The following BARX2 variants were observed in gnomAD, a reference collection of about 807,000 sequenced individuals.
The protein encoded by BARX2 is BARX homeobox 2.
In BARX2, 11 loss-of-function variants were observed where a neutral mutation model predicts 25.5. The observed-to-expected ratio is 0.43, with a 90% CI of 0.27 to 0.71. The LOEUF (loss-of-function observed/expected upper bound fraction) is 0.71, where lower values mean the gene tolerates loss of function less well. Ranked by LOEUF, BARX2 falls within the 30% of genes least tolerant of loss-of-function variation. The pLI is 0.19. For synonymous variants in BARX2, 137 were observed against 149.5 expected (o/e 0.92, Z 0.61); for missense variants, 360 against 359.9 (o/e 1.00, Z 0.00).
chr11:129,408,477 G>A (rs1220661941), intron 1 of BARX2, among the ~76,000 whole-genome samples: 3 of 152,130 alleles, frequency 2.0e-5, no homozygotes, highest in Non-Finnish European at 2.9e-5. Context: ...ACAGTGCGTC[G>A]GTTTTGTTCC....
intron 2 of BARX2, among the ~76,000 whole-genome samples, chr11:129,440,155 A>G (rs1197927154): frequency 1.3e-5 from 2 of 152,140 alleles, no homozygotes; most frequent in Non-Finnish European, 2.9e-5. Flanking sequence ...TTGTTTCTCC[A>G]GTTTCCTAGG....
chr11:129,397,373 C>T (rs73569125), intron 1 of BARX2, among the ~76,000 whole-genome samples: 2,675 of 152,050 alleles, frequency 0.018, 78 homozygotes, highest in African/African-American at 0.061. Context: ...TTCATGAGCT[C>T]ACTTGCCTCT....
intron 1 of BARX2, among the ~76,000 whole-genome samples, chr11:129,391,744 G>A (rs1006410231): frequency 1.3e-5 from 2 of 152,136 alleles, no homozygotes; most frequent in Admixed American, 1.3e-4. Context: ...TGCACGGAGA[G>A]GGGGGTCAAA....
At position 129,393,520 on chromosome 11, in the gene BARX2, CT is replaced by C. The variant is rs752633695; in HGVS notation, c.187+17311del. On this transcript the variant is annotated intron_variant, in intron 1 of 3. Transcript: ENST00000281437. ...CTATCCCTAGAATGATTAGGATATC[CT>C]TTTTTTTTTTTTCCTGGAGCAGTAA... is the stretch of plus-strand genomic sequence containing the variant. Among the ~76,000 whole-genome samples, 530 of 142,012 alleles carry C rather than the reference CT, an allele frequency of 3.7e-3. 1 individual carries two copies. The highest frequency in any genetic ancestry group is 7.2e-3 in the Middle Eastern group (2 of 278). The allele number at this position is 142,012 out of a possible 152,430, so 93.2% of individuals were successfully genotyped here. A position where few individuals can be genotyped will look rare whatever the true frequency, so the allele number is the denominator to read the frequency against.
chr11:129,451,383 A>G lies in BARX2; in HGVS notation c.821A>G (p.Glu274Gly), dbSNP rs1283027913. 6.2e-7 allele frequency: 1 copy of G among 1,613,470 alleles called. No homozygotes were observed. Among genetic ancestry groups the G allele is most frequent in the Middle Eastern group, 1.6e-4 (1 of 6,082 alleles). ...CAGGAGTTGCCAATACCCTCTTCGG[A>G]ACCCCCACCATTAAGCTAAAGTAAA... The part of the protein sequence containing the change: ...PPQELPIPSS[E>G]PPPLS The change falls in exon 4 of 4, where the codon GAA becomes GGA. Residue 274 changes from glutamate (E) to glycine (G), a missense_variant. By Grantham distance (98) the Glu-to-Gly change is moderately conservative. This residue lies in a region of BARX2 where 114 missense variants were observed against 109.4 expected (regional missense o/e 1.04). Coordinates refer to ENST00000281437, the MANE Select transcript of BARX2 (RefSeq NM_003658.5).
Position 129,376,936 on chromosome 11 carries a change from A to G in BARX2, c.187+714A>G, listed in dbSNP as rs920882932. Among the ~76,000 whole-genome samples the G allele has an allele frequency of 1.3e-5, 2 of 152,240 alleles. No individual in the cohort carries two copies. ...ATAGTAAAGATAAAGAGAACTTAAT[A>G]CATATATTGAAAACGTAGTAGAGTT... On this transcript the variant is annotated intron_variant, in intron 1 of 3. Coordinates refer to ENST00000281437, the MANE Select transcript of BARX2 (RefSeq NM_003658.5). This position sits in a 1 kb window ranked among gnomAD's most constrained non-coding sequence, Gnocchi z 4.2.
At chr11:129,448,660 T>C (rs568492355) in intron 3 of BARX2, among the ~76,000 whole-genome samples, 1 of 152,274 alleles carries the variant, frequency 6.6e-6, no homozygotes, top group South Asian at 2.1e-4. Context: ...GGAACCCTCA[T>C]ATGCAGCTGG....
At chr11:129,396,725 A>C (rs938804916) in intron 1 of BARX2, among the ~76,000 whole-genome samples, 1 of 152,104 alleles carries the variant, frequency 6.6e-6, no homozygotes, top group African/African-American at 2.4e-5. Flanking sequence ...GAGTAATAGA[A>C]TATGCTGGAA....
At position 129,451,657 on chromosome 11, in the gene BARX2, G is replaced by A; in HGVS notation, c.*255G>A. 1 of 492,474 alleles carries A rather than the reference G, an allele frequency of 2.0e-6. No individual in the cohort carries two copies. The highest frequency in any genetic ancestry group is 3.5e-5 in the East Asian group (1 of 28,706). The allele number at this position is 492,474 out of a possible 1,614,324, so 30.5% of individuals were successfully genotyped here. On this transcript the variant is annotated 3_prime_UTR_variant, in exon 4 of 4. Transcript: ENST00000281437. ...CCTTGATTAAGGGAGAGAGCGCCTAGGAGCTGCCTGCCCCAGCTGGGGTGA... is the reference window on the plus strand; with the variant it reads ...CCTTGATTAAGGGAGAGAGCGCCTAAGAGCTGCCTGCCCCAGCTGGGGTGA...
At chr11:129,391,353 G>A (rs1472576977) in intron 1 of BARX2, among the ~76,000 whole-genome samples, 1 of 152,200 alleles carries the variant, frequency 6.6e-6, no homozygotes, top group Non-Finnish European at 1.5e-5. Context: ...ACATGCACCA[G>A]TCTGCGTGTT....
chr11:129,389,717 T>C (rs1861648373), intron 1 of BARX2, among the ~76,000 whole-genome samples: 1 of 35,138 alleles, frequency 2.8e-5, no homozygotes, highest in Non-Finnish European at 4.8e-5. Context: ...GGGATAGTCT[T>C]TTTTTTTTTT....
At chr11:129,414,401 A>T (rs1861922482) in intron 1 of BARX2, among the ~76,000 whole-genome samples, 2 of 152,282 alleles carry the variant, frequency 1.3e-5, no homozygotes, top group Non-Finnish European at 2.9e-5. Context: ...ATAGTCTTTC[A>T]TTCTAATGTT....
chr11:129,399,146 A>G (rs766828788), intron 1 of BARX2, among the ~76,000 whole-genome samples: 6 of 152,224 alleles, frequency 3.9e-5, no homozygotes, highest in Non-Finnish European at 7.3e-5. Flanking sequence ...TTAGCCTGTC[A>G]GTGGAATATT....
intron 1 of BARX2, among the ~76,000 whole-genome samples, chr11:129,384,155 C>A (rs886718887): frequency 2.0e-5 from 3 of 152,048 alleles, no homozygotes; most frequent in African/African-American, 7.2e-5. Context: ...CCACCGCACC[C>A]GGCCAGATGA....
chr11:129,442,090 G>A (rs1862267720), intron 2 of BARX2, among the ~76,000 whole-genome samples: 1 of 152,126 alleles, frequency 6.6e-6, no homozygotes, highest in Admixed American at 6.5e-5. Context: ...GTTTCTTTTG[G>A]AATCTTTATA....
At chr11:129,418,703 T>G (rs146598388) in intron 1 of BARX2, among the ~76,000 whole-genome samples, 7 of 152,314 alleles carry the variant, frequency 4.6e-5, no homozygotes, top group African/African-American at 1.7e-4. Context: ...TTTTGGGAAT[T>G]GGGTACCCTG....
At chr11:129,392,291 A>C (rs1302174642) in intron 1 of BARX2, among the ~76,000 whole-genome samples, 6 of 152,218 alleles carry the variant, frequency 3.9e-5, no homozygotes. Flanking sequence ...GATTTGCTGC[A>C]ACTTCCTGTG....
chr11:129,401,009 T>C (rs1174021542), intron 1 of BARX2, among the ~76,000 whole-genome samples: 2 of 152,160 alleles, frequency 1.3e-5, no homozygotes, highest in African/African-American at 2.4e-5. Flanking sequence ...CTCCTTAAAA[T>C]GTGATTCATG....
chr11:129,384,387 G>C (rs1202364745), intron 1 of BARX2, among the ~76,000 whole-genome samples: 1 of 152,094 alleles, frequency 6.6e-6, no homozygotes, highest in African/African-American at 2.4e-5. Context: ...TTTCTGTCCT[G>C]GGAAGTACCT....
Sources: gnomAD v4.1 joint callset for allele counts (sites outside exome capture counted in the v4.1 genomes callset) on GRCh38, gnomAD v4.1.1 for gene constraint, gnomAD v4.1.1 regional missense constraint, Gnocchi (gnomAD v3.1) non-coding constraint, MANE v1.5 for transcripts, NCBI Gene and HGNC (gene_info 2026-07-23, HGNC 2026-07-21) for gene names.